Variants in QTGAL observed in about 807,000 individuals in gnomAD.
QTGAL encodes the protein queuosine-tRNA galactosyltransferase.
chr17:82,972,948 G>T, the QTGAL span, among the ~76,000 whole-genome samples: 169 of 152,210 alleles, frequency 1.1e-3, 1 homozygote, highest in African/African-American at 4.0e-3. Flanking sequence ...GGGCCAGAAG[G>T]ACCTGGGGCT....
At chr17:82,956,908 G>T in the QTGAL span, 1 of 1,093,556 alleles carries the variant, frequency 9.1e-7, no homozygotes, top group Non-Finnish European at 1.4e-6. This position sits in a 1 kb window ranked among gnomAD's most constrained non-coding sequence, Gnocchi z 5.7. Flanking sequence ...CAGGGTCACA[G>T]ACTGCGGCAG....
the QTGAL span, chr17:82,947,467 T>A: frequency 1.3e-5 from 2 of 156,192 alleles, no homozygotes; most frequent in Admixed American, 6.5e-5. Context: ...GAGTGAGGGC[T>A]GTGACCCCGG....
the QTGAL span, among the ~76,000 whole-genome samples, chr17:83,015,809 A>T: frequency 6.6e-6 from 1 of 152,184 alleles, no homozygotes; most frequent in Admixed American, 6.5e-5. This position sits in a 1 kb window ranked among gnomAD's most constrained non-coding sequence, Gnocchi z 4.4. Flanking sequence ...ACTCCTTATG[A>T]GCATCTAACT....
the QTGAL span, among the ~76,000 whole-genome samples, chr17:82,985,585 C>T: frequency 9.2e-5 from 14 of 152,130 alleles, no homozygotes; most frequent in Non-Finnish European, 2.1e-4. Context: ...TTAGTGGCAC[C>T]GTTTTCACGT....
At chr17:82,973,936 T>C in the QTGAL span, among the ~76,000 whole-genome samples, 2 of 152,070 alleles carry the variant, frequency 1.3e-5, no homozygotes, top group African/African-American at 4.8e-5. Flanking sequence ...GGGCCCCGTG[T>C]ACCTGTGTGT....
At chr17:83,035,099 A>G in the QTGAL span, 6 of 1,611,306 alleles carry the variant, frequency 3.7e-6, no homozygotes, top group Non-Finnish European at 5.1e-6. Flanking sequence ...AGCGTATCCG[A>G]CTGTGGAAAA....
the QTGAL span, among the ~76,000 whole-genome samples, chr17:82,958,570 CCT>C: frequency 3.6e-3 from 552 of 152,306 alleles, 2 homozygotes; most frequent in African/African-American, 0.011. Flanking sequence ...TGTGGCACCC[CCT>C]GTTTGTAGCA....
the QTGAL span, chr17:82,961,308 A>G: frequency 8.5e-7 from 1 of 1,183,102 alleles, no homozygotes; most frequent in Non-Finnish European, 1.1e-6. Flanking sequence ...TTGCAAAGAA[A>G]CCGGTCTAGA....
At chr17:82,944,090 A>ATGAAC in the QTGAL span, 1 of 152,238 alleles carries the variant, frequency 6.6e-6, no homozygotes, top group Non-Finnish European at 1.5e-5. Flanking sequence ...GAAAAACATG[A>ATGAAC]TGAACTGTTC....
At chr17:82,964,601 G>C in the QTGAL span, among the ~76,000 whole-genome samples, 1 of 146,786 alleles carries the variant, frequency 6.8e-6, no homozygotes, top group Non-Finnish European at 1.5e-5. Context: ...GGGGAGGACG[G>C]AGACATGGAT....
chr17:83,038,266 T>A, the QTGAL span, among the ~76,000 whole-genome samples: 156 of 152,258 alleles, frequency 1.0e-3, 9 homozygotes, highest in South Asian at 0.032. Context: ...TAGAATAGGG[T>A]CCCCACGAGG....
the QTGAL span, among the ~76,000 whole-genome samples, chr17:83,008,489 C>CG: frequency 6.6e-6 from 1 of 152,092 alleles, no homozygotes; most frequent in Admixed American, 6.5e-5. Flanking sequence ...TGAGGGGACA[C>CG]GGGGGGCTGT....
At chr17:82,985,430 C>T in the QTGAL span, among the ~76,000 whole-genome samples, 2 of 152,256 alleles carry the variant, frequency 1.3e-5, no homozygotes, top group South Asian at 2.1e-4. Flanking sequence ...ACGTTAATTC[C>T]CACTAACTTG....
chr17:83,048,266 G>T, the QTGAL span, among the ~76,000 whole-genome samples: 1 of 152,164 alleles, frequency 6.6e-6, no homozygotes, highest in African/African-American at 2.4e-5. Context: ...GACCTCAAAG[G>T]ATCCGCCTGC....
chr17:83,043,753 C>T, the QTGAL span, among the ~76,000 whole-genome samples: 7 of 151,958 alleles, frequency 4.6e-5, no homozygotes, highest in African/African-American at 1.5e-4. Context: ...AATTGACAAA[C>T]CCAGCTAGAC....
the QTGAL span, among the ~76,000 whole-genome samples, chr17:83,012,322 C>T: frequency 3.8e-3 from 586 of 152,304 alleles, 3 homozygotes; most frequent in Non-Finnish European, 6.5e-3. Context: ...ACACATGCCA[C>T]GAAGAACTGC....
At chr17:82,989,393 C>G in the QTGAL span, among the ~76,000 whole-genome samples, 88 of 151,048 alleles carry the variant, frequency 5.8e-4, no homozygotes, top group South Asian at 1.3e-3. Flanking sequence ...GCATGCAGGG[C>G]TTAATACCTA....
the QTGAL span, among the ~76,000 whole-genome samples, chr17:82,954,473 G>A: frequency 6.6e-6 from 1 of 151,872 alleles, no homozygotes; most frequent in African/African-American, 2.4e-5. Context: ...ATAAACCACT[G>A]CTCAGGGAAG....
chr17:83,006,706 C>T, the QTGAL span: 7 of 985,366 alleles, frequency 7.1e-6, no homozygotes, highest in East Asian at 1.1e-4. This position sits in a 1 kb window ranked among gnomAD's most constrained non-coding sequence, Gnocchi z 5.8. Context: ...CTTCTGTGCC[C>T]GGCTTTCGCA....
Sources: gnomAD v4.1 joint callset for allele counts (sites outside exome capture counted in the v4.1 genomes callset) on GRCh38, gnomAD v4.1.1 for gene constraint, Gnocchi (gnomAD v3.1) non-coding constraint, MANE v1.5 for transcripts, NCBI Gene and HGNC (gene_info 2026-07-23, HGNC 2026-07-21) for gene names.